BCL9: variants seen among roughly 807,000 people sequenced by gnomAD.
The protein encoded by BCL9 is B-cell CLL/lymphoma 9 protein.
In BCL9, 25 loss-of-function variants were observed where a neutral mutation model predicts 88.5. The observed-to-expected ratio is 0.28, with a 90% CI of 0.21 to 0.39. BCL9 has a LOEUF of 0.39. BCL9 is among the 10% of genes least tolerant of loss of function. BCL9 has a pLI of 1.00. For missense variants in BCL9, 1,817 were observed against 1,877.8 expected (o/e 0.97, Z 0.60); for synonymous variants, 711 against 673.3 (o/e 1.06, Z -0.87).
intron 1 of BCL9, among the ~76,000 whole-genome samples, chr1:147,573,223 G>C (rs1655961268): frequency 6.6e-6 from 1 of 151,668 alleles, no homozygotes; most frequent in Admixed American, 6.5e-5. Context: ...GGACCATGTG[G>C]GTGGATCATC....
intron 1 of BCL9, among the ~76,000 whole-genome samples, chr1:147,562,302 C>G (rs1371791859): frequency 1.3e-5 from 2 of 152,070 alleles, no homozygotes; most frequent in African/African-American, 2.4e-5. Context: ...GCACTCCAGA[C>G]TGGACAACAA....
At chr1:147,593,905 G>C (rs1174481504) in intron 1 of BCL9, among the ~76,000 whole-genome samples, 1 of 152,132 alleles carries the variant, frequency 6.6e-6, no homozygotes, top group African/African-American at 2.4e-5. Flanking sequence ...ATATTTTTAA[G>C]TTGATTATAA....
At chr1:147,560,529 C>T (rs1655328194) in intron 1 of BCL9, among the ~76,000 whole-genome samples, 1 of 151,576 alleles carries the variant, frequency 6.6e-6, no homozygotes, top group Admixed American at 6.6e-5. Flanking sequence ...ATCGCTTGAA[C>T]CCGAGAGGCG....
intron 9 of BCL9, among the ~76,000 whole-genome samples, chr1:147,623,544 A>G (rs1557864573): frequency 6.6e-6 from 1 of 152,200 alleles, no homozygotes; most frequent in Admixed American, 6.5e-5. Context: ...AATATCTCCA[A>G]TGAGGAAGGC....
chr1:147,564,153 A>G (rs1167678815), intron 1 of BCL9, among the ~76,000 whole-genome samples: 3 of 152,184 alleles, frequency 2.0e-5, no homozygotes, highest in African/African-American at 7.2e-5. Context: ...TCAGACTAGT[A>G]ACTTCCTCAA....
chr1:147,544,443 C>T (rs1413558979), intron 1 of BCL9, among the ~76,000 whole-genome samples: 1 of 152,140 alleles, frequency 6.6e-6, no homozygotes, highest in Non-Finnish European at 1.5e-5. Flanking sequence ...TTTTTCTTAG[C>T]ACACAGACCA....
At chr1:147,571,982 A>G (rs1553197488) in intron 1 of BCL9, among the ~76,000 whole-genome samples, 1 of 152,180 alleles carries the variant, frequency 6.6e-6, no homozygotes, top group East Asian at 1.9e-4. Flanking sequence ...CTGTAATCCC[A>G]GCACTTTGGG....
At chr1:147,617,542 T>TGA (rs1658350604) in intron 7 of BCL9, among the ~76,000 whole-genome samples, 3,702 of 151,610 alleles carry the variant, frequency 0.024, 146 homozygotes, top group African/African-American at 0.086. Flanking sequence ...ACACAACTCT[T>TGA]TACCTATAGG....
At chr1:147,543,935 C>T (rs1553194038) in intron 1 of BCL9, among the ~76,000 whole-genome samples, 2 of 152,180 alleles carry the variant, frequency 1.3e-5, no homozygotes, top group African/African-American at 4.8e-5. Flanking sequence ...TACAGCAGCA[C>T]ACTCTGCCCT....
At chr1:147,578,248 C>T (rs587657270) in intron 1 of BCL9, among the ~76,000 whole-genome samples, 105 of 152,238 alleles carry the variant, frequency 6.9e-4, no homozygotes, top group Non-Finnish European at 1.1e-3. Flanking sequence ...ATTGGACTTC[C>T]TCCTCCCATG....
chr1:147,599,209 G>A (rs1657194253), intron 1 of BCL9, among the ~76,000 whole-genome samples: 1 of 152,246 alleles, frequency 6.6e-6, no homozygotes, highest in Non-Finnish European at 1.5e-5. Flanking sequence ...GCACTTCGCA[G>A]AGGGCGGAGG....
chr1:147,560,176 T>C (rs1325208413), intron 1 of BCL9, among the ~76,000 whole-genome samples: 8 of 152,184 alleles, frequency 5.3e-5, no homozygotes, highest in Admixed American at 5.2e-4. Flanking sequence ...TAGACGAAAT[T>C]CATGAGAAGC....
At chr1:147,598,698 C>T (rs1553200730) in intron 1 of BCL9, among the ~76,000 whole-genome samples, 1 of 152,244 alleles carries the variant, frequency 6.6e-6, no homozygotes, top group Non-Finnish European at 1.5e-5. Flanking sequence ...CTAACATGGG[C>T]AGTCTTCACC....
chr1:147,620,757 A>G lies in BCL9; in HGVS notation c.2602A>G (p.Met868Val). 1.2e-6 allele frequency: 2 copies of G among 1,614,072 alleles called. No homozygotes were observed. Among genetic ancestry groups the G allele is most frequent in the Non-Finnish European group, 1.7e-6 (2 of 1,180,024 alleles). ...PGINPLKSPT[M>V]HQVQSPMLGS... Reference sequence around the variant, plus strand: ...CATTAACCCTCTGAAGTCTCCCACGATGCACCAAGTCCAGTCACCAATGCT... The same window carrying G: ...CATTAACCCTCTGAAGTCTCCCACGGTGCACCAAGTCCAGTCACCAATGCT... The change falls in exon 8 of 10, where the codon ATG (methionine) becomes GTG (valine). Residue 868 changes from methionine (M) to valine (V), a missense_variant. Transcript: ENST00000234739.
At chr1:147,608,588 C>G (rs1354820404) in intron 3 of BCL9, among the ~76,000 whole-genome samples, 2 of 152,096 alleles carry the variant, frequency 1.3e-5, no homozygotes, top group Non-Finnish European at 2.9e-5. Context: ...TAAGAACTTT[C>G]TGCCTGGCAA....
At chr1:147,600,938 G>C (rs1553201189) in intron 1 of BCL9, among the ~76,000 whole-genome samples, 1 of 152,204 alleles carries the variant, frequency 6.6e-6, no homozygotes, top group Non-Finnish European at 1.5e-5. Flanking sequence ...GCCTTTGAAA[G>C]TTGCAAAGAC....
At position 147,611,809 on chromosome 1, in the gene BCL9, T is replaced by G. The variant is rs183558631; in HGVS notation, c.-28T>G. On this transcript the variant is annotated 5_prime_UTR_variant, in exon 4 of 10. Coordinates refer to ENST00000234739, the MANE Select transcript of BCL9 (RefSeq NM_004326.4). ...AGGAACTCGGTGAGCCTGTCCCGTTTGTGACTGCAAGCTCAGGATTTCAAT... is the reference window on the plus strand; with the variant it reads ...AGGAACTCGGTGAGCCTGTCCCGTTGGTGACTGCAAGCTCAGGATTTCAAT... 419 of 1,612,584 alleles carry G rather than the reference T, an allele frequency of 2.6e-4. 4 individuals are homozygous for G. The African/African-American group carries it at 5.2e-3, about 20-fold the overall frequency.
At chr1:147,585,946 T>A (rs183817401) in intron 1 of BCL9, among the ~76,000 whole-genome samples, 1 of 152,258 alleles carries the variant, frequency 6.6e-6, no homozygotes, top group Non-Finnish European at 1.5e-5. Context: ...CTCAACAAAA[T>A]GGTGATAAAT....
chr1:147,576,018 T>G (rs1375796735), intron 1 of BCL9, among the ~76,000 whole-genome samples: 1 of 152,154 alleles, frequency 6.6e-6, no homozygotes, highest in African/African-American at 2.4e-5. Flanking sequence ...AAATTAACTT[T>G]TTTGGATATT....
Sources: gnomAD v4.1 joint callset for allele counts (sites outside exome capture counted in the v4.1 genomes callset) on GRCh38, gnomAD v4.1.1 for gene constraint, MANE v1.5 for transcripts, NCBI Gene and HGNC (gene_info 2026-07-23, HGNC 2026-07-21) for gene names.